The following TTLL7 variants were observed in gnomAD, a reference collection of about 807,000 sequenced individuals.
TTLL7 encodes tubulin polyglutamylase TTLL7.
In TTLL7, 53 loss-of-function variants were observed where a neutral mutation model predicts 120.2. The observed-to-expected ratio is 0.44, with a 90% confidence interval of 0.35 to 0.55. TTLL7 has a LOEUF of 0.55. Among genes scored for constraint, TTLL7 ranks in the 20% least tolerant of loss-of-function variants. TTLL7 has a pLI of 0.00. For synonymous variants in TTLL7, 353 were observed against 351.7 expected, an observed-to-expected ratio of 1.00 and a Z score of -0.04; for missense variants, 803 against 1,054.7, an observed-to-expected ratio of 0.76 and a Z score of 3.31.
intron 1 of TTLL7, among the ~76,000 whole-genome samples, chr1:83,987,574 A>G (rs1307633502): frequency 6.6e-6 from 1 of 152,178 alleles, no homozygotes; most frequent in Non-Finnish European, 1.5e-5. Context: ...ACTACTGTGG[A>G]CTTTAAATAA....
chr1:83,870,000 A>T lies in TTLL7; in HGVS notation c.2626T>A (p.Ser876Thr), dbSNP rs752960605. The change falls in exon 21 of 21, where the codon TCC becomes ACC. Residue 876 changes from serine (S) to threonine (T), a missense_variant. By Grantham distance (58) the Ser-to-Thr change is moderately conservative. Coordinates refer to ENST00000260505, the MANE Select transcript of TTLL7 (RefSeq NM_024686.6). ...LKYNSPGMTR[S>T]NVLFTSRYGH... ...TATCTGGATGTAAACAAAACATTGG[A>T]GCGAGTCATTCCAGGTGAATTGTAC... 1 of 1,593,222 alleles carries T rather than the reference A, an allele frequency of 6.3e-7. No individual in the cohort carries two copies. Among genetic ancestry groups the T allele is most frequent in the Admixed American group, 1.8e-5 (1 of 54,982 alleles).
chr1:83,966,597 G>C (rs1305894017), intron 1 of TTLL7, among the ~76,000 whole-genome samples: 1 of 151,998 alleles, frequency 6.6e-6, no homozygotes, highest in African/African-American at 2.4e-5. Context: ...TGAAAAGAAG[G>C]AAATGGATGA....
intron 1 of TTLL7, among the ~76,000 whole-genome samples, chr1:83,990,200 G>T (rs1473411647): frequency 7.9e-6 from 1 of 127,252 alleles, no homozygotes; most frequent in Non-Finnish European, 1.6e-5. Context: ...ACGGAGTCTC[G>T]CTCTGTCGCC....
At chr1:83,879,849 C>T (rs1302481613) in intron 20 of TTLL7, 2 of 151,694 alleles carry the variant, frequency 1.3e-5, no homozygotes, top group African/African-American at 4.9e-5. Flanking sequence ...TTTTGACCAC[C>T]AGCAGAAGAA....
chr1:83,887,233 C>A, intron 19 of TTLL7: 1 of 1,200,252 alleles, frequency 8.3e-7, no homozygotes, highest in Non-Finnish European at 1.1e-6. Flanking sequence ...GCCTTGGATT[C>A]TTGGATATAA....
At chr1:83,950,552 G>A (rs1648948380) in intron 3 of TTLL7, among the ~76,000 whole-genome samples, 1 of 152,082 alleles carries the variant, frequency 6.6e-6, no homozygotes, top group African/African-American at 2.4e-5. Context: ...TACTGAAAAC[G>A]TTTATGCTCA....
At chr1:83,928,365 A>C (rs1024189622) in intron 10 of TTLL7, among the ~76,000 whole-genome samples, 9 of 152,168 alleles carry the variant, frequency 5.9e-5, no homozygotes, top group Admixed American at 4.6e-4. Context: ...CTTTAATCCA[A>C]TACTCTAAGC....
At chr1:83,941,215 G>A (rs948021087) in intron 7 of TTLL7, among the ~76,000 whole-genome samples, 4 of 152,186 alleles carry the variant, frequency 2.6e-5, no homozygotes, top group African/African-American at 9.7e-5. Context: ...CACTGCCACA[G>A]CACCCTCAGT....
intron 18 of TTLL7, 36 bp downstream of exon 18, chr1:83,904,043 C>G (rs201704890): frequency 6.6e-7 from 1 of 1,524,946 alleles, no homozygotes. Flanking sequence ...AATACATAAT[C>G]CAAGAGGGAA....
chr1:83,930,953 A>G (rs182150636), intron 9 of TTLL7, among the ~76,000 whole-genome samples: 17 of 151,992 alleles, frequency 1.1e-4, no homozygotes, highest in African/African-American at 4.1e-4. Context: ...TAATATGTGG[A>G]AAGGCAGGAA....
chr1:83,871,687 A>G (rs1188332191), intron 20 of TTLL7, among the ~76,000 whole-genome samples: 1 of 152,024 alleles, frequency 6.6e-6, no homozygotes, highest in Admixed American at 6.6e-5. Context: ...CGAGGTCAGG[A>G]GATCGAGACC....
chr1:83,971,961 G>C (rs1050900236), intron 1 of TTLL7, among the ~76,000 whole-genome samples: 1 of 147,924 alleles, frequency 6.8e-6, no homozygotes, highest in Non-Finnish European at 1.5e-5. Flanking sequence ...TAATTTTTAA[G>C]AGCAGTTATA....
chr1:83,874,475 T>C (rs1268365555), intron 20 of TTLL7, among the ~76,000 whole-genome samples: 1 of 152,114 alleles, frequency 6.6e-6, no homozygotes, highest in African/African-American at 2.4e-5. Context: ...TTTTTCATTC[T>C]TTTGAGTAAA....
intron 1 of TTLL7, among the ~76,000 whole-genome samples, chr1:83,964,583 G>GA (rs372545008): frequency 1.1e-4 from 16 of 152,106 alleles, no homozygotes; most frequent in South Asian, 2.1e-4. Flanking sequence ...GTTCCAGCAA[G>GA]AAAAAAAGTA....
At chr1:83,880,836 A>G (rs1294025459) in intron 20 of TTLL7, among the ~76,000 whole-genome samples, 1 of 152,082 alleles carries the variant, frequency 6.6e-6, no homozygotes, top group African/African-American at 2.4e-5. Flanking sequence ...CCTGACTTCA[A>G]ACTATACTAC....
chr1:83,910,884 T>A (rs576137906), intron 15 of TTLL7, among the ~76,000 whole-genome samples: 6 of 152,224 alleles, frequency 3.9e-5, no homozygotes, highest in Admixed American at 3.3e-4. Context: ...AGATCAGCCA[T>A]GAGGCACATT....
At chr1:83,883,275 G>A in intron 19 of TTLL7, 139 bp from the exon 20 acceptor site, 1 of 572,292 alleles carries the variant, frequency 1.7e-6, no homozygotes, top group Admixed American at 3.5e-5. Flanking sequence ...ATGGTTTAAA[G>A]ATATATAATA....
chr1:83,986,604 G>A (rs537168465), intron 1 of TTLL7, among the ~76,000 whole-genome samples: 3 of 152,280 alleles, frequency 2.0e-5, no homozygotes, highest in Admixed American at 2.0e-4. Flanking sequence ...CAGCTCTTTG[G>A]GAGGCCGAGG....
intron 20 of TTLL7, among the ~76,000 whole-genome samples, chr1:83,881,976 A>T (rs1654530140): frequency 6.6e-6 from 1 of 150,916 alleles, no homozygotes. Context: ...TTCTCAGTAA[A>T]CTATCACAAG....
Sources: allele counts gnomAD v4.1 joint callset (sites outside exome capture counted in the v4.1 genomes callset), GRCh38; gene constraint gnomAD v4.1.1; transcripts MANE v1.5; gene names NCBI Gene and HGNC (gene_info 2026-07-23, HGNC 2026-07-21).